TGFB2: variants seen among roughly 807,000 people sequenced by gnomAD.
The protein encoded by TGFB2 is transforming growth factor beta 2.
TGFB2 carries 13 observed loss-of-function variants against 42.7 expected under a neutral mutation model. The ratio of observed to expected loss-of-function variants is 0.30; its 90% confidence interval spans 0.20 to 0.48. The LOEUF (loss-of-function observed/expected upper bound fraction) is 0.48, where lower values mean the gene tolerates loss of function less well. Ranked by LOEUF, TGFB2 falls within the 20% of genes least tolerant of loss-of-function variation. The probability of loss-of-function intolerance (pLI) is 0.99; values close to 1 mark genes in which losing one functional copy is unlikely to be tolerated. For synonymous variants in TGFB2, 193 were observed against 193.6 expected (o/e 1.00, Z 0.03); for missense variants, 390 against 517.5 (o/e 0.75, Z 2.39).
intron 2 of TGFB2, among the ~76,000 whole-genome samples, chr1:218,418,312 A>C (rs1482964218): frequency 6.6e-6 from 1 of 152,214 alleles, no homozygotes; most frequent in Non-Finnish European, 1.5e-5. Flanking sequence ...TTGGAGCTTT[A>C]AGATTTTACT....
At chr1:218,351,639 C>A (rs911979862) in intron 1 of TGFB2, among the ~76,000 whole-genome samples, 33 of 152,078 alleles carry the variant, frequency 2.2e-4, no homozygotes, top group African/African-American at 8.0e-4. Flanking sequence ...CTGAGGAGAC[C>A]CCACCCGATG....
intron 1 of TGFB2, among the ~76,000 whole-genome samples, chr1:218,396,302 A>G (rs1169486302): frequency 6.6e-6 from 1 of 152,214 alleles, no homozygotes; most frequent in Non-Finnish European, 1.5e-5. Context: ...ATATCTAACT[A>G]ACATAGTGGA....
rs535892390 is a variant in TGFB2, at chr1:218,442,948, A to G, written c.*1586A>G. On this transcript the variant is annotated 3_prime_UTR_variant, in exon 7 of 7. Coordinates refer to ENST00000366930, the MANE Select transcript of TGFB2 (RefSeq NM_003238.6). ...ATTGTTATTACAAAGAGGACACTTCATAGGAAACATCTTTTTCTTTAGTCA... is the reference window on the plus strand; with the variant it reads ...ATTGTTATTACAAAGAGGACACTTCGTAGGAAACATCTTTTTCTTTAGTCA... 3 of 152,330 alleles carry G rather than the reference A, an allele frequency of 2.0e-5. No homozygotes were observed. The highest frequency in any genetic ancestry group is 7.2e-5 in the African/African-American group (3 of 41,592). 9.4% of individuals were successfully genotyped at this position (152,330 alleles called of 1,614,324 possible). A position where few individuals can be genotyped will look rare whatever the true frequency, so the allele number is the denominator to read the frequency against.
intron 1 of TGFB2, among the ~76,000 whole-genome samples, chr1:218,361,723 T>C (rs976962690): frequency 5.3e-5 from 8 of 152,212 alleles, no homozygotes; most frequent in Non-Finnish European, 1.0e-4. Context: ...GAGAAAACTT[T>C]GTCTGACTTG....
At chr1:218,384,111 A>G (rs764398690) in intron 1 of TGFB2, among the ~76,000 whole-genome samples, 7 of 120,658 alleles carry the variant, frequency 5.8e-5, no homozygotes, top group Non-Finnish European at 7.1e-5. Context: ...GAACATCTTG[A>G]TTCATTAAAA....
In TGFB2 at chr1:218,353,635, G is replaced by A. The variant is rs144503528; in HGVS notation, c.346+6588G>A. Reference sequence around the variant, plus strand: ...CCTTCTGCCTGGTGTGGTGGCCCACGCCTATAATCTTAGCACTTTAGGAAG... The same window carrying A: ...CCTTCTGCCTGGTGTGGTGGCCCACACCTATAATCTTAGCACTTTAGGAAG... On this transcript the variant is annotated intron_variant, in intron 1 of 6. Transcript: ENST00000366930. Among the ~76,000 whole-genome samples, 825 of 152,270 alleles carry A rather than the reference G, an allele frequency of 5.4e-3. 6 individuals are homozygous for A. The highest frequency in any genetic ancestry group is 0.017 in the African/African-American group (714 of 41,544).
chr1:218,394,000 G>A (rs560579527), intron 1 of TGFB2, among the ~76,000 whole-genome samples: 3 of 150,960 alleles, frequency 2.0e-5, no homozygotes, highest in East Asian at 2.0e-4. Flanking sequence ...TCCACCTCCC[G>A]GGTTAACGCC....
chr1:218,378,365 C>T (rs374726453), intron 1 of TGFB2, among the ~76,000 whole-genome samples: 2 of 152,116 alleles, frequency 1.3e-5, no homozygotes, highest in African/African-American at 4.8e-5. Context: ...TTAGTAGAGA[C>T]GGGGTTTCGC....
chr1:218,385,551 T>C (rs977902091), intron 1 of TGFB2, among the ~76,000 whole-genome samples: 2 of 152,226 alleles, frequency 1.3e-5, no homozygotes, highest in African/African-American at 4.8e-5. Flanking sequence ...GGAGATTTTT[T>C]GCTGAAGGGT....
chr1:218,376,125 GA>G (rs1165787785), intron 1 of TGFB2, among the ~76,000 whole-genome samples: 1 of 152,190 alleles, frequency 6.6e-6, no homozygotes, highest in African/African-American at 2.4e-5. Flanking sequence ...AACAATAATA[GA>G]TTGCACACTT....
chr1:218,403,976 A>G (rs1658818531), intron 1 of TGFB2, among the ~76,000 whole-genome samples: 2 of 151,548 alleles, frequency 1.3e-5, no homozygotes, highest in Admixed American at 6.6e-5. Flanking sequence ...TGTATTTGAA[A>G]GCATGGAGTT....
chr1:218,363,357 C>T, intron 1 of TGFB2: 4 of 1,614,002 alleles, frequency 2.5e-6, no homozygotes, highest in South Asian at 1.1e-5. Context: ...TGTTACAACA[C>T]CCTCTGGCTC....
chr1:218,385,436 G>T (rs1658101492), intron 1 of TGFB2, among the ~76,000 whole-genome samples: 1 of 152,150 alleles, frequency 6.6e-6, no homozygotes, highest in East Asian at 1.9e-4. Flanking sequence ...AGAGGTTTTG[G>T]GCCTTCCCCA....
At chr1:218,416,387 T>C (rs1216640834) in intron 2 of TGFB2, among the ~76,000 whole-genome samples, 1 of 152,146 alleles carries the variant, frequency 6.6e-6, no homozygotes, top group East Asian at 1.9e-4. Flanking sequence ...ATGTTTTTTT[T>C]CTCAATGCCA....
At chr1:218,417,483 A>G (rs1659319538) in intron 2 of TGFB2, among the ~76,000 whole-genome samples, 1 of 152,272 alleles carries the variant, frequency 6.6e-6, no homozygotes, top group Non-Finnish European at 1.5e-5. Flanking sequence ...AAAGGGAAAC[A>G]GAAAATAAAA....
At chr1:218,384,779 C>G (rs1242926166) in intron 1 of TGFB2, among the ~76,000 whole-genome samples, 1 of 152,174 alleles carries the variant, frequency 6.6e-6, no homozygotes, top group African/African-American at 2.4e-5. Context: ...GGACAGAAGG[C>G]AGAATTCAAA....
Position 218,434,112 on chromosome 1 carries a change from A to G in TGFB2, c.541A>G (p.Thr181Ala). The G allele has an allele frequency of 6.2e-7, 1 of 1,614,178 alleles. No individual in the cohort carries two copies. ...ILKSKDLTSPTQRYIDSKVVK... is the reference protein window; with the variant it reads ...ILKSKDLTSPAQRYIDSKVVK... Reference sequence around the variant, plus strand: ...CAAGTCCAAAGATTTAACATCTCCAACCCAGCGCTACATCGACAGCAAAGT... The same window carrying G: ...CAAGTCCAAAGATTTAACATCTCCAGCCCAGCGCTACATCGACAGCAAAGT... The change falls in exon 3 of 7, where the codon ACC (threonine) becomes GCC (alanine). Residue 181 changes from threonine (T) to alanine (A), a missense_variant. Thr to Ala is a moderately conservative substitution (Grantham distance 58, BLOSUM62 0). Transcript: ENST00000366930.
chr1:218,371,436 A>G (rs1657567979), intron 1 of TGFB2, among the ~76,000 whole-genome samples: 1 of 152,236 alleles, frequency 6.6e-6, no homozygotes, highest in South Asian at 2.1e-4. Flanking sequence ...ATGAATATTT[A>G]CTGCATATTT....
At chr1:218,416,603 C>G (rs1024758606) in intron 2 of TGFB2, among the ~76,000 whole-genome samples, 3 of 152,200 alleles carry the variant, frequency 2.0e-5, no homozygotes, top group African/African-American at 7.2e-5. Context: ...AGTCAGCCAC[C>G]TCCCATGTCT....
Sources: gnomAD v4.1 joint callset for allele counts (sites outside exome capture counted in the v4.1 genomes callset) on GRCh38, gnomAD v4.1.1 for gene constraint, MANE v1.5 for transcripts, NCBI Gene and HGNC (gene_info 2026-07-23, HGNC 2026-07-21) for gene names.